Variants in SRPK2 observed in about 807,000 individuals in gnomAD.
SRPK2 encodes the protein SFRS protein kinase 2.
In SRPK2, 21 loss-of-function variants were observed where a neutral mutation model predicts 90.8. The observed-to-expected ratio is 0.23, with a 90% CI of 0.16 to 0.33. SRPK2 has a LOEUF of 0.33. Among genes scored for constraint, SRPK2 ranks in the 10% least tolerant of loss-of-function variants. SRPK2 has a pLI of 1.00. For synonymous variants in SRPK2, 288 were observed against 311.1 expected (o/e 0.93, Z 0.78); for missense variants, 620 against 869.0 (o/e 0.71, Z 3.60).
At chr7:105,297,524 T>C (rs1185148454) in intron 2 of SRPK2, 8 of 984,784 alleles carry the variant, frequency 8.1e-6, no homozygotes, top group Non-Finnish European at 9.6e-6. Flanking sequence ...ATCGCCTTGG[T>C]TGTTCACTCC....
At chr7:105,169,381 G>T in intron 3 of SRPK2, 116 bp from the exon 4 acceptor site, 1 of 706,722 alleles carries the variant, frequency 1.4e-6, no homozygotes, top group Non-Finnish European at 2.3e-6. Context: ...AATACATGCA[G>T]ACTAAAACAT....
chr7:105,165,546 C>T (rs1789933080), intron 6 of SRPK2, among the ~76,000 whole-genome samples: 1 of 152,134 alleles, frequency 6.6e-6, no homozygotes, highest in African/African-American at 2.4e-5. Context: ...ATGCACCAAT[C>T]AGCACTCTGT....
At chr7:105,209,478 C>T (rs987238709) in intron 2 of SRPK2, among the ~76,000 whole-genome samples, 6 of 151,648 alleles carry the variant, frequency 4.0e-5, no homozygotes, top group Admixed American at 3.9e-4. Flanking sequence ...TGCGAGTCTG[C>T]AATGAGCTAA....
At chr7:105,302,493 T>C (rs1367268257) in intron 2 of SRPK2, among the ~76,000 whole-genome samples, 3 of 152,078 alleles carry the variant, frequency 2.0e-5, no homozygotes, top group Non-Finnish European at 2.9e-5. Context: ...GTGCAATCCA[T>C]ATTAATAGGC....
Position 105,232,529 on chromosome 7 carries a change from G to A in SRPK2, c.72-28744C>T, listed in dbSNP as rs78675595. 5.2e-3 allele frequency among the ~76,000 whole-genome samples: 776 copies of A among 149,158 alleles called. 11 individuals are homozygous for A. The East Asian group carries it at 0.055, about 11-fold the overall frequency. On this transcript the variant is annotated intron_variant, in intron 2 of 15. Coordinates refer to ENST00000393651, the MANE Select transcript of SRPK2 (RefSeq NM_182692.3). ...TTAAGTACAAAAGTAAAACAAAAAC[G>A]GCAATAAAAATTTGTACTTAGGATA...
chr7:105,327,990 G>A (rs1813790021), intron 2 of SRPK2, among the ~76,000 whole-genome samples: 1 of 152,102 alleles, frequency 6.6e-6, no homozygotes, highest in African/African-American at 2.4e-5. Flanking sequence ...TAGTAAAAAC[G>A]GGGTTTCAGT....
chr7:105,245,712 C>CT (rs1003009533), intron 2 of SRPK2, among the ~76,000 whole-genome samples: 1 of 152,024 alleles, frequency 6.6e-6, no homozygotes, highest in Non-Finnish European at 1.5e-5. Context: ...TTAGAAAACA[C>CT]TTTTTTTCCC....
upstream of SRPK2, among the ~76,000 whole-genome samples, chr7:105,393,320 TG>T (rs1822231459): frequency 6.8e-6 from 1 of 147,404 alleles, no homozygotes; most frequent in South Asian, 2.1e-4. Flanking sequence ...TTAGTGGAGA[TG>T]GGGTTTTACC....
At chr7:105,266,930 A>G (rs1563168696) in intron 2 of SRPK2, among the ~76,000 whole-genome samples, 1 of 152,198 alleles carries the variant, frequency 6.6e-6, no homozygotes, top group Non-Finnish European at 1.5e-5. Context: ...TATCTACATT[A>G]ACGAAACAAC....
intron 11 of SRPK2, among the ~76,000 whole-genome samples, chr7:105,136,608 G>A (rs1329479206): frequency 6.6e-6 from 1 of 152,176 alleles, no homozygotes; most frequent in Admixed American, 6.5e-5. Context: ...TCCACAAGAA[G>A]CTATCCTAGG....
chr7:105,239,778 A>AT lies in SRPK2; in HGVS notation c.72-35994_72-35993insA, dbSNP rs538339178. 1.2e-3 allele frequency among the ~76,000 whole-genome samples: 178 copies of AT among 152,348 alleles called. 1 individual carries two copies. The highest frequency in any genetic ancestry group is 3.6e-3 in the Admixed American group (55 of 15,306). On this transcript the variant is annotated intron_variant, in intron 2 of 15. Coordinates refer to ENST00000393651, the MANE Select transcript of SRPK2 (RefSeq NM_182692.3). ...TCAAATACAGTGATACATGGTTGAT[A>AT]AGAATAAGAAAGCCAATTCTCTGAG...
At chr7:105,327,317 A>G (rs1010128190) in intron 2 of SRPK2, among the ~76,000 whole-genome samples, 3 of 152,240 alleles carry the variant, frequency 2.0e-5, no homozygotes, top group African/African-American at 7.2e-5. Flanking sequence ...ATTGGAACAC[A>G]ATCATGCTCA....
At position 105,301,286 on chromosome 7, in the gene SRPK2, CAAA is replaced by C. The variant is rs35944611; in HGVS notation, c.71+87359_71+87361del. Among the ~76,000 whole-genome samples the C allele has an allele frequency of 6.1e-3, 753 of 123,760 alleles. 12 individuals carry two copies. In the East Asian group the frequency reaches 0.076, roughly 12 times the overall value. The allele number at this position is 123,760 out of a possible 152,430, so 81.2% of individuals were successfully genotyped here. A position where few individuals can be genotyped will look rare whatever the true frequency, so the allele number is the denominator to read the frequency against. On this transcript the variant is annotated intron_variant, in intron 2 of 15. Transcript: ENST00000393651. ...TGAAACCCCGTCTCTACTAAAAATACAAAAAAAAAAAAAAAAAGCCGCGGCTCC... is the reference window on the plus strand; with the variant it reads ...TGAAACCCCGTCTCTACTAAAAATACAAAAAAAAAAAAAAGCCGCGGCTCC...
chr7:105,173,645 G>A (rs1219777309), intron 3 of SRPK2, among the ~76,000 whole-genome samples: 1 of 152,152 alleles, frequency 6.6e-6, no homozygotes, highest in Non-Finnish European at 1.5e-5. Flanking sequence ...GGAACCCCAT[G>A]GTCTACCACA....
At chr7:105,127,774 G>A (rs1801418781) in intron 13 of SRPK2, among the ~76,000 whole-genome samples, 1 of 152,078 alleles carries the variant, frequency 6.6e-6, no homozygotes, top group African/African-American at 2.4e-5. Context: ...GTTTAAGCTA[G>A]TAACAATATA....
chr7:105,205,680 A>C (rs1796143664), intron 2 of SRPK2, among the ~76,000 whole-genome samples: 1 of 152,104 alleles, frequency 6.6e-6, no homozygotes, highest in Non-Finnish European at 1.5e-5. Context: ...CCTTACTGAA[A>C]GTGGAATGGT....
chr7:105,128,378 A>AAAACCCAGG (rs1377786516), intron 13 of SRPK2, among the ~76,000 whole-genome samples: 2 of 152,186 alleles, frequency 1.3e-5, no homozygotes, highest in African/African-American at 2.4e-5. Flanking sequence ...GCACCAGCAG[A>AAAACCCAGG]AAACCCAGGA....
At chr7:105,151,487 GACTTGT>G (rs1265850004) in intron 7 of SRPK2, among the ~76,000 whole-genome samples, 2 of 152,212 alleles carry the variant, frequency 1.3e-5, no homozygotes, top group African/African-American at 4.8e-5. Flanking sequence ...TAAGTCAGAA[GACTTGT>G]ACTGATATTG....
intron 3 of SRPK2, among the ~76,000 whole-genome samples, chr7:105,196,871 G>A (rs962775290): frequency 6.6e-6 from 1 of 152,032 alleles, no homozygotes. Context: ...CCAACATGGT[G>A]AAACCTCATC....
Sources: allele counts gnomAD v4.1 joint callset (sites outside exome capture counted in the v4.1 genomes callset), GRCh38; gene constraint gnomAD v4.1.1; transcripts MANE v1.5; gene names NCBI Gene and HGNC (gene_info 2026-07-23, HGNC 2026-07-21).